Variants in YIPF4 observed in about 807,000 individuals in gnomAD.
YIPF4 encodes protein YIPF4.
In YIPF4, 18 loss-of-function variants were observed where a neutral mutation model predicts 29.4. The ratio of observed to expected loss-of-function variants is 0.61; its 90% CI spans 0.42 to 0.91. The LOEUF (loss-of-function observed/expected upper bound fraction) is 0.91, where lower values mean the gene tolerates loss of function less well. Among genes scored for constraint, YIPF4 ranks in the 40% least tolerant of loss-of-function variants. The pLI is 0.00. For missense variants in YIPF4, 279 were observed against 282.7 expected (o/e 0.99, Z 0.09); for synonymous variants, 115 against 104.7 (o/e 1.10, Z -0.60).
rs367969336 is a variant in YIPF4, at chr2:32,281,946, C to G, written c.79+3712C>G. Among the ~76,000 whole-genome samples the G allele has an allele frequency of 4.6e-5, 7 of 150,666 alleles. No individual in the cohort carries two copies. The East Asian group carries it at 1.2e-3, about 25-fold the overall frequency. On this transcript the variant is annotated intron_variant, in intron 1 of 5. Transcript: ENST00000238831. ...CCATGGTAGTGCACACCTGTGGTCC[C>G]AGCTACCATGGGGTCAGCTACTCTG...
chr2:32,298,357 T>C, intron 4 of YIPF4, 46 bp downstream of exon 4: 2 of 1,473,724 alleles, frequency 1.4e-6, no homozygotes, highest in Non-Finnish European at 1.9e-6. Context: ...TATGGTGAGC[T>C]TAGTTTTTGA....
intron 1 of YIPF4, among the ~76,000 whole-genome samples, chr2:32,284,826 G>C (rs1156965254): frequency 6.6e-6 from 1 of 152,170 alleles, no homozygotes; most frequent in African/African-American, 2.4e-5. Context: ...TCAGAGAAAT[G>C]AGAGGCTTAG....
chr2:32,298,085 T>G (rs2031262782), intron 3 of YIPF4, 149 bp from the exon 4 acceptor site: 1 of 570,548 alleles, frequency 1.8e-6, no homozygotes, highest in Admixed American at 3.5e-5. Context: ...CTTATTAAGT[T>G]TTGGAGTAAT....
Position 32,305,721 on chromosome 2 carries a change from A to C in YIPF4, c.*95A>C. On this transcript the variant is annotated 3_prime_UTR_variant, in exon 6 of 6. Coordinates refer to ENST00000238831, the MANE Select transcript of YIPF4 (RefSeq NM_032312.4). ...AATTGGAGAAAACCTGTTGCTGCAA[A>C]ATTTTACATGTTCCAGATGGAAAGG... The C allele has an allele frequency of 7.6e-7, 1 of 1,312,390 alleles. No homozygotes were observed. The highest frequency in any genetic ancestry group is 3.5e-5 in the Admixed American group (1 of 28,694). The allele number at this position is 1,312,390 out of a possible 1,614,324, so 81.3% of individuals were successfully genotyped here.
At chr2:32,285,846 G>A (rs2148959107) in intron 1 of YIPF4, among the ~76,000 whole-genome samples, 1 of 151,940 alleles carries the variant, frequency 6.6e-6, no homozygotes, top group Middle Eastern at 3.4e-3. Flanking sequence ...GGTAGAGATG[G>A]GGTTTCACTG....
chr2:32,301,832 A>G (rs966113362), intron 5 of YIPF4, among the ~76,000 whole-genome samples: 1 of 151,636 alleles, frequency 6.6e-6, no homozygotes, highest in Non-Finnish European at 1.5e-5. Context: ...CAGCCTTCCT[A>G]GTAGCTGGGA....
At chr2:32,287,494 A>G (rs2030729012) in intron 1 of YIPF4, among the ~76,000 whole-genome samples, 1 of 152,192 alleles carries the variant, frequency 6.6e-6, no homozygotes, top group African/African-American at 2.4e-5. Context: ...GTGCCACAAA[A>G]TGTTCATTGT....
intron 5 of YIPF4, among the ~76,000 whole-genome samples, chr2:32,304,054 A>G (rs1407799357): frequency 2.6e-5 from 4 of 152,116 alleles, no homozygotes; most frequent in African/African-American, 9.6e-5. Context: ...AAAATGGAAA[A>G]CTCTTTTTTA....
At chr2:32,305,095 G>A (rs1477663910) in intron 5 of YIPF4, among the ~76,000 whole-genome samples, 1 of 152,074 alleles carries the variant, frequency 6.6e-6, no homozygotes, top group South Asian at 2.1e-4. Flanking sequence ...TATAATAATA[G>A]TTTTTTCAAA....
At position 32,312,968 on chromosome 2, in the gene YIPF4, G is replaced by GT. The variant is rs2031745749; in HGVS notation, c.*7343dup. ...ATCGCGCCACTGCACTCCCGCCTGG[G>GT]TGACAGAGCGAGACTCTGTCTCAAA... On this transcript the variant is annotated 3_prime_UTR_variant, in exon 6 of 6. Transcript: ENST00000238831. The GT allele has an allele frequency of 6.6e-6, 1 of 152,292 alleles. No individual in the cohort carries two copies. Among genetic ancestry groups the GT allele is most frequent in the African/African-American group, 2.4e-5 (1 of 41,424 alleles). The allele number at this position is 152,292 out of a possible 1,614,324, so 9.4% of individuals were successfully genotyped here.
In YIPF4 at chr2:32,310,500, G is replaced by A. The variant is rs2031696379; in HGVS notation, c.*4874G>A. ...TCACAGTCTTCCCTGCAGAATCCAA[G>A]TATACAAAAAGTAGGCCTATCATTT... On this transcript the variant is annotated 3_prime_UTR_variant, in exon 6 of 6. Transcript: ENST00000238831. 6.6e-6 allele frequency: 1 copy of A among 151,996 alleles called. No individual in the cohort carries two copies. Among genetic ancestry groups the A allele is most frequent in the African/African-American group, 2.4e-5 (1 of 41,392 alleles). The allele number at this position is 151,996 out of a possible 1,614,324, so 9.4% of individuals were successfully genotyped here. A position where few individuals can be genotyped will look rare whatever the true frequency, so the allele number is the denominator to read the frequency against.
At position 32,286,231 on chromosome 2, in the gene YIPF4, T is replaced by G. The variant is rs138334955; in HGVS notation, c.80-4252T>G. Among the ~76,000 whole-genome samples, 951 of 152,342 alleles carry G rather than the reference T, an allele frequency of 6.2e-3. 13 individuals carry two copies. Among genetic ancestry groups the G allele is most frequent in the African/African-American group, 0.021 (881 of 41,578 alleles). Reference sequence around the variant, plus strand: ...TGAAATCTGAATAAGGTCTGTGGATTGTACCAGTGTCAGTGTCCTGAATTT... The same window carrying G: ...TGAAATCTGAATAAGGTCTGTGGATGGTACCAGTGTCAGTGTCCTGAATTT... On this transcript the variant is annotated intron_variant, in intron 1 of 5. Transcript: ENST00000238831.
At chr2:32,292,862 C>CAAAAA (rs1217481341) in intron 3 of YIPF4, among the ~76,000 whole-genome samples, 25 of 77,850 alleles carry the variant, frequency 3.2e-4, no homozygotes, top group East Asian at 4.2e-4. Context: ...GACTCCATCT[C>CAAAAA]AAAAAAAAAA....
At chr2:32,279,750 G>T (rs1370310246) in intron 1 of YIPF4, among the ~76,000 whole-genome samples, 1 of 151,988 alleles carries the variant, frequency 6.6e-6, no homozygotes, top group African/African-American at 2.4e-5. Context: ...TGGTGTATCA[G>T]TATAGCTTGT....
chr2:32,291,388 G>GA (rs1280974237), intron 2 of YIPF4, among the ~76,000 whole-genome samples: 3 of 152,070 alleles, frequency 2.0e-5, no homozygotes, highest in Admixed American at 2.0e-4. Context: ...TACAAAAAAA[G>GA]AAAAAATTAG....
chr2:32,296,632 CAG>C (rs1163500350), intron 3 of YIPF4, among the ~76,000 whole-genome samples: 1 of 152,146 alleles, frequency 6.6e-6, no homozygotes, highest in Non-Finnish European at 1.5e-5. Flanking sequence ...TGTATACTAA[CAG>C]GGAGTATGTG....
intron 1 of YIPF4, among the ~76,000 whole-genome samples, chr2:32,283,922 G>A (rs572187921): frequency 2.0e-5 from 3 of 152,056 alleles, no homozygotes; most frequent in Admixed American, 6.6e-5. Context: ...GTTTTACCAC[G>A]TTGGTCAGGC....
intron 1 of YIPF4, among the ~76,000 whole-genome samples, chr2:32,286,130 A>G (rs768000443): frequency 3.6e-4 from 55 of 152,334 alleles, no homozygotes; most frequent in South Asian, 1.7e-3. Flanking sequence ...GCATTACACA[A>G]ATCTACAAAT....
At chr2:32,294,301 C>A (rs905797389) in intron 3 of YIPF4, among the ~76,000 whole-genome samples, 1 of 151,872 alleles carries the variant, frequency 6.6e-6, no homozygotes, top group African/African-American at 2.4e-5. Flanking sequence ...GGGCTCCTCA[C>A]TTCTCAGACG....
Sources: gnomAD v4.1 joint callset for allele counts (sites outside exome capture counted in the v4.1 genomes callset) on GRCh38, gnomAD v4.1.1 for gene constraint, MANE v1.5 for transcripts, NCBI Gene and HGNC (gene_info 2026-07-23, HGNC 2026-07-21) for gene names.